ACOXL: variants seen among roughly 807,000 people sequenced by gnomAD.
The protein encoded by ACOXL is acyl-coenzyme A oxidase-like protein.
ACOXL carries 70 observed loss-of-function variants against 71.9 expected under a neutral mutation model. That is an observed-to-expected ratio of 0.97 (90% CI 0.80 to 1.19). The LOEUF is 1.19. ACOXL is among the 50% of genes most tolerant of loss of function. The pLI is 0.00. For missense variants in ACOXL, 703 were observed against 736.3 expected (o/e 0.95, Z 0.52); for synonymous variants, 253 against 281.6 (o/e 0.90, Z 1.02).
At chr2:110,808,696 C>A (rs926770812) in intron 9 of ACOXL, among the ~76,000 whole-genome samples, 7 of 152,180 alleles carry the variant, frequency 4.6e-5, no homozygotes, top group African/African-American at 1.7e-4. Flanking sequence ...GGGTTGTTTT[C>A]ATGTACATTT....
At chr2:110,762,633 C>T (rs1227631279) in intron 1 of ACOXL, among the ~76,000 whole-genome samples, 1 of 152,024 alleles carries the variant, frequency 6.6e-6, no homozygotes, top group African/African-American at 2.4e-5. Flanking sequence ...TTTACCTTTC[C>T]AATTTTAAAA....
chr2:111,097,134 A>G (rs2068848106), intron 17 of ACOXL, among the ~76,000 whole-genome samples: 1 of 152,190 alleles, frequency 6.6e-6, no homozygotes, highest in Non-Finnish European at 1.5e-5. Flanking sequence ...CCATTTTCCT[A>G]TAAATTTTGG....
chr2:110,920,705 A>G (rs1219835999), intron 11 of ACOXL, among the ~76,000 whole-genome samples: 1 of 151,992 alleles, frequency 6.6e-6, no homozygotes, highest in Non-Finnish European at 1.5e-5. Flanking sequence ...TTTTAGAATC[A>G]TCTTGTTAAT....
chr2:110,776,342 G>T (rs776942981), intron 2 of ACOXL, among the ~76,000 whole-genome samples: 3 of 151,326 alleles, frequency 2.0e-5, no homozygotes, highest in African/African-American at 7.4e-5. Context: ...GAGATGGATG[G>T]TGATGATGGT....
chr2:110,751,660 C>G (rs1479606545), intron 1 of ACOXL, among the ~76,000 whole-genome samples: 1 of 152,136 alleles, frequency 6.6e-6, no homozygotes, highest in African/African-American at 2.4e-5. Context: ...CCTATGTAAC[C>G]CAACCCCTAT....
At chr2:110,972,254 A>G (rs2149490437) in intron 12 of ACOXL, among the ~76,000 whole-genome samples, 1 of 152,320 alleles carries the variant, frequency 6.6e-6, no homozygotes, top group South Asian at 2.1e-4. Context: ...TGCACTAAGA[A>G]CACACACAAG....
chr2:110,779,818 T>G (rs1368272488), intron 2 of ACOXL, among the ~76,000 whole-genome samples: 1 of 152,190 alleles, frequency 6.6e-6, no homozygotes, highest in Non-Finnish European at 1.5e-5. Flanking sequence ...TTGAGACACA[T>G]TAGATGCCTA....
chr2:111,082,983 A>G (rs569619465), intron 16 of ACOXL, among the ~76,000 whole-genome samples: 121 of 152,158 alleles, frequency 8.0e-4, no homozygotes, highest in African/African-American at 2.7e-3. Flanking sequence ...GAGTTGAACA[A>G]TGAGACCGCA....
At chr2:111,019,357 G>A (rs1209744606) in intron 14 of ACOXL, among the ~76,000 whole-genome samples, 1 of 152,208 alleles carries the variant, frequency 6.6e-6, no homozygotes, top group Admixed American at 6.5e-5. Flanking sequence ...TCAATTTCAG[G>A]AGAGTAGAGT....
chr2:111,080,928 T>C (rs896739233), intron 16 of ACOXL, among the ~76,000 whole-genome samples: 1 of 152,194 alleles, frequency 6.6e-6, no homozygotes, highest in Non-Finnish European at 1.5e-5. Flanking sequence ...AACCACATGA[T>C]TATCTCAATA....
intron 11 of ACOXL, among the ~76,000 whole-genome samples, chr2:110,922,616 C>T (rs72944232): frequency 0.041 from 6,275 of 152,134 alleles, 225 homozygotes; most frequent in African/African-American, 0.085. Flanking sequence ...CCTTTTTCTT[C>T]AGCTCTTTTT....
intron 9 of ACOXL, among the ~76,000 whole-genome samples, chr2:110,815,701 T>G (rs540146995): frequency 2.0e-5 from 3 of 152,324 alleles, no homozygotes; most frequent in East Asian, 3.9e-4. Flanking sequence ...GATCTGAGTT[T>G]GGAGAGGCAG....
At chr2:110,763,904 C>A (rs1032632255) in intron 1 of ACOXL, among the ~76,000 whole-genome samples, 4 of 152,036 alleles carry the variant, frequency 2.6e-5, no homozygotes, top group Admixed American at 2.0e-4. Flanking sequence ...GACACCTCAC[C>A]AAAGAAGATA....
At chr2:110,795,533 A>G (rs1427546006) in intron 5 of ACOXL, 4 of 152,258 alleles carry the variant, frequency 2.6e-5, no homozygotes, top group African/African-American at 9.6e-5. Context: ...TACTTGTAAC[A>G]TCATTTCATT....
At chr2:110,741,523 G>A (rs1204327966) in intron 1 of ACOXL, among the ~76,000 whole-genome samples, 3 of 152,168 alleles carry the variant, frequency 2.0e-5, no homozygotes, top group Non-Finnish European at 1.5e-5. Flanking sequence ...GTGTGACAGA[G>A]TAAGAACAAG....
At chr2:110,762,845 C>T (rs1184249468) in intron 1 of ACOXL, among the ~76,000 whole-genome samples, 29 of 152,024 alleles carry the variant, frequency 1.9e-4, no homozygotes, top group Admixed American at 1.9e-3. Context: ...TTAGTAGAAA[C>T]AGGATTTTGC....
intron 2 of ACOXL, among the ~76,000 whole-genome samples, chr2:110,775,286 AAC>A (rs1682497972): frequency 6.6e-6 from 1 of 152,218 alleles, no homozygotes; most frequent in Non-Finnish European, 1.5e-5. Context: ...GAACACCAAA[AAC>A]ACAGGCTTTT....
chr2:111,114,059 T>G (rs1224280957), intron 17 of ACOXL: 3 of 152,692 alleles, frequency 2.0e-5, no homozygotes, highest in African/African-American at 7.2e-5. Flanking sequence ...AAAATTTCTA[T>G]TTCTGTGCAT....
At chr2:110,886,384 T>C (rs986824986) in intron 10 of ACOXL, among the ~76,000 whole-genome samples, 5 of 150,564 alleles carry the variant, frequency 3.3e-5, no homozygotes, top group South Asian at 2.1e-4. Flanking sequence ...CTTTTTCTTT[T>C]TTTTTTTTTT....
Sources: allele counts gnomAD v4.1 joint callset (sites outside exome capture counted in the v4.1 genomes callset), GRCh38; gene constraint gnomAD v4.1.1; transcripts MANE v1.5; gene names NCBI Gene and HGNC (gene_info 2026-07-23, HGNC 2026-07-21).